RBFOX1: variants seen among roughly 807,000 people sequenced by gnomAD.
RBFOX1 encodes RNA binding protein fox-1 homolog 1.
Under a neutral mutation model 57.7 loss-of-function variants are expected in RBFOX1, and 8 were observed. The ratio of observed to expected loss-of-function variants is 0.14; its 90% CI spans 0.08 to 0.25. The LOEUF is 0.25. RBFOX1 is among the 10% of genes least tolerant of loss of function. The pLI is 1.00. For missense variants in RBFOX1, 611 were observed against 548.5 expected (o/e 1.11, Z -1.14); for synonymous variants, 326 against 222.4 (o/e 1.47, Z -4.15).
chr16:6,733,882 G>C (rs962832014), intron 3 of RBFOX1, among the ~76,000 whole-genome samples: 1 of 152,194 alleles, frequency 6.6e-6, no homozygotes, highest in Non-Finnish European at 1.5e-5. Context: ...GGCCAGTGTT[G>C]GTTCTGATTG....
intron 3 of RBFOX1, among the ~76,000 whole-genome samples, chr16:6,702,328 C>A (rs1337084003): frequency 6.6e-6 from 1 of 152,098 alleles, no homozygotes. Flanking sequence ...CCGAGGCAGG[C>A]AGATTACCTG....
chr16:7,234,759 A>G (rs1418152078), intron 4 of RBFOX1, among the ~76,000 whole-genome samples: 1 of 151,600 alleles, frequency 6.6e-6, no homozygotes, highest in Non-Finnish European at 1.5e-5. Context: ...TGAACGGAGA[A>G]GTCAGAAATG....
At chr16:6,539,128 A>AAC (rs1238020158) in intron 2 of RBFOX1, among the ~76,000 whole-genome samples, 1 of 151,748 alleles carries the variant, frequency 6.6e-6, no homozygotes, top group Non-Finnish European at 1.5e-5. Context: ...TTTGGTGAAA[A>AAC]AAAAAAAGAA....
At chr16:5,674,137 C>G (rs1470295972) in intron 3 of RBFOX1, among the ~76,000 whole-genome samples, 1 of 152,142 alleles carries the variant, frequency 6.6e-6, no homozygotes, top group Non-Finnish European at 1.5e-5. Context: ...TAAGCCCTGT[C>G]TTCATTGTTC....
chr16:6,551,657 A>G (rs540076826), intron 2 of RBFOX1, among the ~76,000 whole-genome samples: 2 of 152,206 alleles, frequency 1.3e-5, no homozygotes, highest in African/African-American at 4.8e-5. Flanking sequence ...TTGCCTGGGA[A>G]TGTGTAGCTA....
At chr16:5,664,904 C>G (rs896709503) in intron 3 of RBFOX1, among the ~76,000 whole-genome samples, 3 of 152,084 alleles carry the variant, frequency 2.0e-5, no homozygotes, top group African/African-American at 7.2e-5. Flanking sequence ...CTGCCCACCT[C>G]CATATTGTCA....
At chr16:6,466,918 A>G (rs1567341204) in intron 2 of RBFOX1, among the ~76,000 whole-genome samples, 1 of 152,210 alleles carries the variant, frequency 6.6e-6, no homozygotes, top group East Asian at 1.9e-4. Context: ...CAATCTTAAT[A>G]TAACTAAATG....
rs60722476 is a variant in RBFOX1, at chr16:7,476,822, A to G, written c.28-41325A>G. Among the ~76,000 whole-genome samples the G allele has an allele frequency of 3.3e-4, 51 of 152,354 alleles. 1 individual carries two copies. The highest frequency in any genetic ancestry group is 1.4e-3 in the East Asian group (7 of 5,184). On this transcript the variant is annotated intron_variant, in intron 4 of 15. Coordinates refer to ENST00000550418, the MANE Select transcript of RBFOX1 (RefSeq NM_018723.4). ...CCTGCAAAGATGTATGAGGCTGCAT[A>G]TAAATTGCATTGAATGGGCTAACAT...
At position 5,256,082 on chromosome 16, in the gene RBFOX1, A is replaced by G. The variant is rs9922565; in HGVS notation, c.219+15977A>G. Among the ~76,000 whole-genome samples the G allele has an allele frequency of 1.2e-3, 184 of 152,272 alleles. 1 individual carries two copies. The highest frequency in any genetic ancestry group is 4.2e-3 in the African/African-American group (175 of 41,558). ...CGTGGAGAACATACGAAAGACACAT[A>G]TTTGAACCAGTAGTGACATACAGGT... On this transcript the variant is annotated intron_variant, in intron 1 of 2. Transcript: ENST00000585867.
At chr16:5,313,465 T>A (rs1361506753) in intron 1 of RBFOX1, among the ~76,000 whole-genome samples, 1 of 152,186 alleles carries the variant, frequency 6.6e-6, no homozygotes, top group Non-Finnish European at 1.5e-5. Context: ...CATCTACATA[T>A]GACCTCCTTA....
chr16:5,350,219 C>T (rs2065232725), intron 1 of RBFOX1, among the ~76,000 whole-genome samples: 1 of 152,100 alleles, frequency 6.6e-6, no homozygotes, highest in African/African-American at 2.4e-5. Context: ...GTGTGGGAGC[C>T]CCTTTGCCAT....
intron 4 of RBFOX1, among the ~76,000 whole-genome samples, chr16:7,471,939 G>A (rs751493460): frequency 3.9e-5 from 6 of 152,066 alleles, no homozygotes; most frequent in Non-Finnish European, 5.9e-5. Flanking sequence ...CGTTCAACAC[G>A]GGCTGAAGAA....
chr16:7,603,519 C>G (rs1274072274), intron 9 of RBFOX1, among the ~76,000 whole-genome samples: 2 of 152,116 alleles, frequency 1.3e-5, no homozygotes, highest in Admixed American at 6.5e-5. Flanking sequence ...CCAAGAGTAA[C>G]TCTAAGAGGA....
At chr16:6,025,593 C>G (rs1299800434) in intron 1 of RBFOX1, among the ~76,000 whole-genome samples, 2 of 152,196 alleles carry the variant, frequency 1.3e-5, no homozygotes, top group South Asian at 4.1e-4. Context: ...ACCCTGAGAA[C>G]AGTTGCACTC....
chr16:6,786,146 A>G (rs551093350), intron 3 of RBFOX1, among the ~76,000 whole-genome samples: 1 of 152,230 alleles, frequency 6.6e-6, no homozygotes, highest in South Asian at 2.1e-4. Flanking sequence ...CCCTAAATGA[A>G]TGGAGTTCGG....
At chr16:7,209,911 A>G (rs2090781136) in intron 4 of RBFOX1, among the ~76,000 whole-genome samples, 1 of 152,214 alleles carries the variant, frequency 6.6e-6, no homozygotes, top group East Asian at 1.9e-4. Flanking sequence ...CAGGGGTTCC[A>G]TGATGCACCA....
intron 3 of RBFOX1, among the ~76,000 whole-genome samples, chr16:6,860,533 A>G (rs963979878): frequency 2.0e-5 from 3 of 152,212 alleles, no homozygotes; most frequent in African/African-American, 7.2e-5. Flanking sequence ...TTCAAGATGC[A>G]TGTAGTTTTG....
At chr16:7,014,260 G>C (rs2093794119) in intron 3 of RBFOX1, among the ~76,000 whole-genome samples, 1 of 152,046 alleles carries the variant, frequency 6.6e-6, no homozygotes, top group South Asian at 2.1e-4. Flanking sequence ...GCCCAGGCTG[G>C]AGTGTGCAGT....
chr16:5,788,819 T>C (rs2054596774), intron 3 of RBFOX1, among the ~76,000 whole-genome samples: 1 of 152,000 alleles, frequency 6.6e-6, no homozygotes, highest in African/African-American at 2.4e-5. Context: ...CCTCCCAAGT[T>C]ATTAGGAAAA....
Sources: allele counts gnomAD v4.1 joint callset (sites outside exome capture counted in the v4.1 genomes callset), GRCh38; gene constraint gnomAD v4.1.1; transcripts MANE v1.5; gene names NCBI Gene and HGNC (gene_info 2026-07-23, HGNC 2026-07-21).